Variants in SNRNP25 observed in about 807,000 individuals in gnomAD.
SNRNP25 encodes small nuclear ribonucleoprotein U11/U12 subunit 25.
In SNRNP25, 21 loss-of-function variants were observed where a neutral mutation model predicts 23.9. The observed-to-expected ratio is 0.88, with a 90% CI of 0.62 to 1.27. The LOEUF is 1.27. Among genes scored for constraint, SNRNP25 ranks in the 50% most tolerant of loss-of-function variants. The pLI is 0.00. For synonymous variants in SNRNP25, 63 were observed against 60.4 expected (o/e 1.04, Z -0.20); for missense variants, 160 against 156.9 (o/e 1.02, Z -0.11).
At chr16:54,107 GGGCATCCGGGCGCC>G in intron 1 of SNRNP25, 49 bp downstream of exon 1, 1 of 1,558,724 alleles carries the variant, frequency 6.4e-7, no homozygotes. Flanking sequence ...CCCGGGGTCC[GGGCATCCGGGCGCC>G]GGCAGCCTCC....
Position 55,519 on chromosome 16 carries a change from C to G in SNRNP25, c.103C>G (p.Arg35Gly). Residue 35 changes from arginine (R) to glycine (G), a missense_variant, in exon 2 of 5, where the codon CGA (arginine) becomes GGA (glycine). Transcript: ENST00000293861. Reference sequence around the variant, plus strand: ...AGAATACGGCCAGGCAATGACGGTCCGAGTGTGCAAGATGGATGGAGAAGT... The same window carrying G: ...AGAATACGGCCAGGCAATGACGGTCGGAGTGTGCAAGATGGATGGAGAAGT... ...ALEYGQAMTV[R>G]VCKMDGEVMP... 2 of 1,614,110 alleles carry G rather than the reference C, an allele frequency of 1.2e-6. No homozygotes were observed. The highest frequency in any genetic ancestry group is 1.1e-5 in the South Asian group (1 of 91,066).
At position 57,189 on chromosome 16, in the gene SNRNP25, T is replaced by C. The variant is rs746818515; in HGVS notation, c.*46T>C. 6.3e-7 allele frequency: 1 copy of C among 1,597,376 alleles called. No homozygotes were observed. The highest frequency in any genetic ancestry group is 8.6e-7 in the Non-Finnish European group (1 of 1,165,202). On this transcript the variant is annotated 3_prime_UTR_variant, in exon 5 of 5. Coordinates refer to ENST00000293861, the MANE Select transcript of SNRNP25 (RefSeq NM_024571.4). ...TCTTCATCACTGGTGGCTGAGCTTT[T>C]TCCCAGCAGGAATGGGTCCTCGAAT...
Position 55,459 on chromosome 16 carries a change from G to A in SNRNP25, c.43G>A (p.Val15Ile), listed in dbSNP as rs149117445. 32 of 1,613,966 alleles carry A rather than the reference G, an allele frequency of 2.0e-5. No homozygotes were observed. Among genetic ancestry groups the A allele is most frequent in the African/African-American group, 2.7e-5 (2 of 74,916 alleles). Residue 15 changes from valine (V) to isoleucine (I), a missense_variant and splice_region_variant, in exon 2 of 5, where the codon GTT (valine) becomes ATT (isoleucine). Transcript: ENST00000293861. ...DPLLCDLPIQ[V>I]TLEEVNSQIA... is the part of the protein sequence containing the mutation. ...CACTTCTGCCCTTGGTCTTTTGTAG[G>A]TTACTCTGGAAGAAGTCAACTCCCA...
rs568837791 is a variant in SNRNP25 at position 55,767 on chromosome 16, G to A, written c.134-10G>A. 4.6e-5 allele frequency: 75 copies of A among 1,613,724 alleles called. 1 individual carries two copies. Among genetic ancestry groups the A allele is most frequent in the Middle Eastern group, 3.3e-4 (2 of 6,062 alleles). ...CATGGATCTTCTCCCATCTGTGTCC[G>A]TGGTTGCAGCCGTGGTTGTAGTGCA... On this transcript the variant is annotated splice_polypyrimidine_tract_variant and intron_variant, in intron 2 of 4. Transcript: ENST00000293861.
chr16:56,368 G>T, intron 3 of SNRNP25, 171 bp from the exon 4 acceptor site: 1 of 737,700 alleles, frequency 1.4e-6, no homozygotes. Flanking sequence ...TGAGAACAGA[G>T]CCTCCTTGTA....
At chr16:54,131 C>A in intron 1 of SNRNP25, 73 bp downstream of exon 1, 2 of 1,500,804 alleles carry the variant, frequency 1.3e-6, no homozygotes, top group Non-Finnish European at 1.8e-6. Flanking sequence ...CGGCAGCCTC[C>A]GAAGGTGCTG....
At chr16:54,798 C>T (rs373011643) in intron 1 of SNRNP25, among the ~76,000 whole-genome samples, 1 of 152,016 alleles carries the variant, frequency 6.6e-6, no homozygotes, top group African/African-American at 2.4e-5. Context: ...CTCACTGCAA[C>T]CTCCCCCTCC....
chr16:56,659 T>G (rs373474048), intron 4 of SNRNP25, 46 bp downstream of exon 4: 6 of 1,595,970 alleles, frequency 3.8e-6, no homozygotes, highest in Non-Finnish European at 5.2e-6. Flanking sequence ...GCTGTTCTGT[T>G]GCCCCTTAGT....
Position 54,031 on chromosome 16 carries a change from C to T in SNRNP25, c.15C>T (p.Asp5=). ...AGGGTCTGGCTATGGTGGTGCAGGA[C>T]CCGCTGCTCTGCGATCTGCCGATCC... is the stretch of plus-strand genomic sequence containing the variant. MVVQ[D]PLLCDLPIQV... is the part of the protein sequence containing the mutation. The change falls in exon 1 of 5, where the codon GAC becomes GAT. Residue 5 remains aspartate (D), a synonymous_variant. Coordinates refer to ENST00000293861, the MANE Select transcript of SNRNP25 (RefSeq NM_024571.4). The T allele has an allele frequency of 1.2e-6, 2 of 1,608,888 alleles. No homozygotes were observed. The highest frequency in any genetic ancestry group is 1.7e-6 in the Non-Finnish European group (2 of 1,178,990).
At chr16:56,684 C>T in intron 4 of SNRNP25, 71 bp downstream of exon 4, 3 of 1,526,410 alleles carry the variant, frequency 2.0e-6, no homozygotes, top group Non-Finnish European at 2.7e-6. Flanking sequence ...CATGCTCTGC[C>T]AGAGGGCTGC....
chr16:55,585 C>T (rs367615561), intron 2 of SNRNP25, 36 bp downstream of exon 2: 48 of 1,608,580 alleles, frequency 3.0e-5, no homozygotes, highest in Non-Finnish European at 4.1e-5. Context: ...GTTATGTGGT[C>T]CAGGCTTTCA....
chr16:54,699 G>A (rs1336514643), intron 1 of SNRNP25, among the ~76,000 whole-genome samples: 2 of 152,128 alleles, frequency 1.3e-5, no homozygotes, highest in Admixed American at 6.5e-5. Context: ...CATGCTTTGG[G>A]ACGATACTGT....
intron 1 of SNRNP25, chr16:55,058 T>G: frequency 5.9e-6 from 1 of 170,524 alleles, no homozygotes; most frequent in Non-Finnish European, 1.3e-5. Flanking sequence ...TTAAAATATT[T>G]ATTGTTATTA....
In SNRNP25 at chr16:55,773, G is replaced by A. The variant is rs763436395; in HGVS notation, c.134-4G>A. The A allele has an allele frequency of 6.2e-7, 1 of 1,613,962 alleles. No homozygotes were observed. Among genetic ancestry groups the A allele is most frequent in the Non-Finnish European group, 8.5e-7 (1 of 1,179,892 alleles). On this transcript the variant is annotated splice_polypyrimidine_tract_variant and splice_region_variant and intron_variant, in intron 2 of 4. Transcript: ENST00000293861. ...TCTTCTCCCATCTGTGTCCGTGGTT[G>A]CAGCCGTGGTTGTAGTGCAGAGTGC...
At position 53,996 on chromosome 16, in the gene SNRNP25, G is replaced by C. The variant is rs1233151096; in HGVS notation, c.-21G>C. 2 of 1,609,966 alleles carry C rather than the reference G, an allele frequency of 1.2e-6. No homozygotes were observed. Among genetic ancestry groups the C allele is most frequent in the South Asian group, 2.2e-5 (2 of 90,238 alleles). ...GCTGCCGCACTCCGAGGCCATGGAC[G>C]TGTTCCAGGAGGGTCTGGCTATGGT... On this transcript the variant is annotated 5_prime_UTR_variant, in exon 1 of 5. Transcript: ENST00000293861.
At chr16:55,274 A>C in intron 1 of SNRNP25, 185 bp from the exon 2 acceptor site, 1 of 573,330 alleles carries the variant, frequency 1.7e-6, no homozygotes, top group Non-Finnish European at 3.2e-6. Flanking sequence ...TGGACATTAA[A>C]ATGTGAGTGG....
At position 56,607 on chromosome 16, in the gene SNRNP25, TC is replaced by T; in HGVS notation, c.310del (p.Arg104GlufsTer17). 6.2e-7 allele frequency: 1 copy of T among 1,613,872 alleles called. No individual in the cohort carries two copies. The highest frequency in any genetic ancestry group is 8.5e-7 in the Non-Finnish European group (1 of 1,179,998). On this transcript the variant is annotated frameshift_variant, in exon 4 of 5. Transcript: ENST00000293861. LOFTEE classifies it high-confidence loss of function. ...GEKLTEDRKK[L>X]RDYGIRNRDE... is the part of the protein sequence containing the mutation. ...AAACTCACGGAAGACAGAAAGAAGC[TC>T]CGAGAGTAAGTGCCGGCCACGTCCT...
chr16:55,869 C>T lies in SNRNP25; in HGVS notation c.226C>T (p.Gln76Ter), dbSNP rs769156728. ...QLKQEREGGI[Q>*]HISWSYVWRT... is the part of the protein sequence containing the mutation. ...CAAGCAGGAGCGTGAAGGGGGCATT[C>T]AGCACATCAGCTGGTAAGTGGAACA... The change falls in exon 3 of 5, where the codon CAG becomes TAG. Residue 76 changes from glutamine (Q) to a stop codon, truncating the protein, a stop_gained. Coordinates refer to ENST00000293861, the MANE Select transcript of SNRNP25 (RefSeq NM_024571.4). LOFTEE classifies it high-confidence loss of function. 3.7e-6 allele frequency: 6 copies of T among 1,613,964 alleles called. No individual in the cohort carries two copies. In the South Asian group the frequency reaches 6.6e-5, roughly 18 times the overall value.
Position 56,425 on chromosome 16 carries a change from G to C in SNRNP25, c.240-114G>C, listed in dbSNP as rs963492031. 8.4e-6 allele frequency: 8 copies of C among 946,914 alleles called. No individual in the cohort carries two copies. In the Admixed American group the frequency reaches 1.3e-4, roughly 15 times the overall value. 58.7% of individuals were successfully genotyped at this position (946,914 alleles called of 1,614,324 possible). A position where few individuals can be genotyped will look rare whatever the true frequency, so the allele number is the denominator to read the frequency against. On this transcript the variant is annotated intron_variant, in intron 3 of 4. Transcript: ENST00000293861. ...ACATTGTACAGAACAGCCCAGGTAG[G>C]GAGGACAGCTGCCCCAGGTCCCATA...
Sources: allele counts gnomAD v4.1 joint callset (sites outside exome capture counted in the v4.1 genomes callset), GRCh38; gene constraint gnomAD v4.1.1; transcripts MANE v1.5; gene names NCBI Gene and HGNC (gene_info 2026-07-23, HGNC 2026-07-21).